The following EYA4 variants were observed in gnomAD, a reference collection of about 807,000 sequenced individuals.
The protein encoded by EYA4 is EYA transcriptional coactivator and phosphatase 4.
A neutral mutation model predicts 87.9 loss-of-function variants in EYA4; 31 were observed. The observed-to-expected ratio is 0.35, with a 90% CI of 0.27 to 0.48. The LOEUF is 0.48. Ranked by LOEUF, EYA4 falls within the 20% of genes least tolerant of loss-of-function variation. EYA4 has a pLI of 0.99. For missense variants in EYA4, 678 were observed against 761.4 expected, an observed-to-expected ratio of 0.89 and a Z score of 1.29; for synonymous variants, 263 against 270.6, an observed-to-expected ratio of 0.97 and a Z score of 0.28.
chr6:133,441,564 C>T (rs139412567), intron 3 of EYA4, among the ~76,000 whole-genome samples: 12 of 152,306 alleles, frequency 7.9e-5, no homozygotes, highest in East Asian at 5.8e-4. Context: ...CCCCTGCTGC[C>T]GTGTCTTTCC....
intron 2 of EYA4, among the ~76,000 whole-genome samples, chr6:133,299,806 T>A (rs12173440): frequency 3.3e-5 from 5 of 151,348 alleles, no homozygotes; most frequent in Admixed American, 6.6e-5. Flanking sequence ...TCCTTCACAA[T>A]AGCACTGCGA....
At chr6:133,506,646 G>C (rs1798656363) in intron 14 of EYA4, among the ~76,000 whole-genome samples, 1 of 152,164 alleles carries the variant, frequency 6.6e-6, no homozygotes, top group Non-Finnish European at 1.5e-5. Context: ...TTCCCTTCTG[G>C]ATAAAACAGT....
At chr6:133,451,359 T>C (rs1419181890) in intron 5 of EYA4, among the ~76,000 whole-genome samples, 1 of 152,218 alleles carries the variant, frequency 6.6e-6, no homozygotes, top group Non-Finnish European at 1.5e-5. Context: ...TATATGTGTA[T>C]ACATAAGTTA....
At chr6:133,467,566 G>A (rs1478409642) in intron 10 of EYA4, among the ~76,000 whole-genome samples, 1 of 152,000 alleles carries the variant, frequency 6.6e-6, no homozygotes, top group Non-Finnish European at 1.5e-5. Context: ...ATTGGATCTT[G>A]AAATTTTCAG....
intron 5 of EYA4, among the ~76,000 whole-genome samples, chr6:133,456,329 A>T (rs1450974137): frequency 6.6e-6 from 1 of 152,124 alleles, no homozygotes; most frequent in Admixed American, 6.6e-5. Context: ...TTTAAGGCTG[A>T]CTGCCTTTAA....
chr6:133,367,482 T>C (rs574548725), intron 2 of EYA4, among the ~76,000 whole-genome samples: 1 of 152,378 alleles, frequency 6.6e-6, no homozygotes, highest in East Asian at 1.9e-4. Flanking sequence ...ATTCGCATAT[T>C]ACTTTGAAGG....
chr6:133,275,288 G>A (rs1237436449), intron 2 of EYA4, among the ~76,000 whole-genome samples: 1 of 152,094 alleles, frequency 6.6e-6, no homozygotes, highest in African/African-American at 2.4e-5. Flanking sequence ...CCAGCTTGAT[G>A]GCAATCCTTT....
intron 3 of EYA4, among the ~76,000 whole-genome samples, chr6:133,409,219 A>C (rs774217198): frequency 2.0e-5 from 3 of 152,202 alleles, no homozygotes; most frequent in African/African-American, 4.8e-5. Context: ...CCACATAGAG[A>C]TGTATGCACT....
At chr6:133,265,630 T>C (rs1395226654) in intron 1 of EYA4, among the ~76,000 whole-genome samples, 1 of 152,170 alleles carries the variant, frequency 6.6e-6, no homozygotes, top group Non-Finnish European at 1.5e-5. Context: ...ATAAAATCAC[T>C]AGGCTCATAA....
At chr6:133,476,095 G>A (rs971868365) in intron 11 of EYA4, among the ~76,000 whole-genome samples, 1 of 152,136 alleles carries the variant, frequency 6.6e-6, no homozygotes, top group African/African-American at 2.4e-5. Flanking sequence ...TCTGGAGGCT[G>A]AGGCGAGAAG....
chr6:133,362,712 A>G (rs764051735), intron 2 of EYA4, among the ~76,000 whole-genome samples: 2 of 152,234 alleles, frequency 1.3e-5, no homozygotes, highest in Non-Finnish European at 2.9e-5. Flanking sequence ...AGAGCATTGC[A>G]TGGAATGAAA....
chr6:133,283,576 C>G (rs567908828), intron 2 of EYA4, among the ~76,000 whole-genome samples: 1 of 152,118 alleles, frequency 6.6e-6, no homozygotes, highest in African/African-American at 2.4e-5. Context: ...GAAGAGTACA[C>G]TGAAGCAGAG....
chr6:133,322,877 T>C (rs1444660970), intron 2 of EYA4, among the ~76,000 whole-genome samples: 1 of 152,206 alleles, frequency 6.6e-6, no homozygotes, highest in Non-Finnish European at 1.5e-5. Context: ...AGACTTTCTA[T>C]GAGTTGCAAA....
intron 2 of EYA4, among the ~76,000 whole-genome samples, chr6:133,381,063 C>T (rs1183396563): frequency 2.9e-5 from 4 of 138,614 alleles, no homozygotes; most frequent in Non-Finnish European, 4.6e-5. Flanking sequence ...TCTGTGAAAC[C>T]GTTTTTTTTT....
At chr6:133,327,108 C>G (rs1781555461) in intron 2 of EYA4, among the ~76,000 whole-genome samples, 3 of 152,104 alleles carry the variant, frequency 2.0e-5, no homozygotes, top group Non-Finnish European at 4.4e-5. Context: ...AGTTAAATTA[C>G]AAATAAATCT....
chr6:133,348,901 C>T (rs1783423091), intron 2 of EYA4, among the ~76,000 whole-genome samples: 1 of 152,178 alleles, frequency 6.6e-6, no homozygotes, highest in Non-Finnish European at 1.5e-5. Context: ...TGTTGTTCCT[C>T]TGCTCAAACC....
chr6:133,383,517 CAAAAAAAAAAAA>C (rs768724484), intron 3 of EYA4, among the ~76,000 whole-genome samples: 2 of 45,240 alleles, frequency 4.4e-5, no homozygotes, highest in Admixed American at 5.0e-4. Context: ...GACTCCATCT[CAAAAAAAAAAAA>C]AAAAAAAAAA....
At chr6:133,272,404 ATATATGC>A in intron 1 of EYA4, among the ~76,000 whole-genome samples, 1 of 152,346 alleles carries the variant, frequency 6.6e-6, no homozygotes, top group East Asian at 1.9e-4. Flanking sequence ...ACCTGATCAC[ATATATGC>A]TACTTTCATT....
chr6:133,456,617 A>T lies in EYA4; in HGVS notation c.339A>T (p.Gly113=), dbSNP rs1793929221. 1.2e-6 allele frequency: 2 copies of T among 1,613,584 alleles called. No individual in the cohort carries two copies. Among genetic ancestry groups the T allele is most frequent in the Middle Eastern group, 1.7e-4 (1 of 6,058 alleles). ...GCAGTGAAACCACAGCCACGACTGG[A>T]GATGGAGCGCTTGACACTTTTACTG... ...LNSSETTATT[G]DGALDTFTGS... Residue 113 remains glycine (G), a synonymous_variant, in exon 6 of 20, where the codon GGA becomes GGT. Transcript: ENST00000355286.
Sources: gnomAD v4.1 joint callset for allele counts (sites outside exome capture counted in the v4.1 genomes callset) on GRCh38, gnomAD v4.1.1 for gene constraint, MANE v1.5 for transcripts, NCBI Gene and HGNC (gene_info 2026-07-23, HGNC 2026-07-21) for gene names.